Variants in PRKCZ observed in about 807,000 individuals in gnomAD.
PRKCZ encodes protein kinase C zeta type.
Under a neutral mutation model 79.5 loss-of-function variants are expected in PRKCZ, and 33 were observed. That is an observed-to-expected ratio of 0.41 (90% confidence interval 0.31 to 0.55). PRKCZ has a LOEUF of 0.55. Ranked by LOEUF, PRKCZ falls within the 20% of genes least tolerant of loss-of-function variation. The pLI, the probability that PRKCZ is intolerant of heterozygous loss-of-function variation, is 0.19. For synonymous variants in PRKCZ, 342 were observed against 320.9 expected (o/e 1.07, Z -0.70); for missense variants, 578 against 813.5 (o/e 0.71, Z 3.52).
At chr1:2,137,465 G>A (rs1676447321) in intron 5 of PRKCZ, among the ~76,000 whole-genome samples, 1 of 152,204 alleles carries the variant, frequency 6.6e-6, no homozygotes, top group Non-Finnish European at 1.5e-5. Flanking sequence ...GGCGCCTGGT[G>A]TGACCCATTA....
intron 9 of PRKCZ, among the ~76,000 whole-genome samples, chr1:2,155,539 A>ATGG (rs1366195025): frequency 1.4e-5 from 2 of 144,134 alleles, no homozygotes; most frequent in African/African-American, 5.2e-5. Flanking sequence ...GCCAATGGTG[A>ATGG]TGGTGGTGGT....
Position 2,169,706 on chromosome 1 carries a change from G to A in PRKCZ, c.1061+102G>A, listed in dbSNP as rs536990609. 193 of 793,996 alleles carry A rather than the reference G, an allele frequency of 2.4e-4. 2 individuals carry two copies. In the African/African-American group the frequency reaches 3.3e-3, roughly 14 times the overall value. The allele number at this position is 793,996 out of a possible 1,614,324, so 49.2% of individuals were successfully genotyped here. ...GGGTGGGTGCGCACAGAGGGATGAC[G>A]GGTGGGTGCGCGCGGAGTTGGGGGG... On this transcript the variant is annotated intron_variant, in intron 11 of 17. Transcript: ENST00000378567.
Position 2,172,454 on chromosome 1 carries a change from A to G in PRKCZ, c.1285+66A>G, listed in dbSNP as rs915985865. ...CCAGAGATGGCTTCGGGCCTGGCCC[A>G]GCAGCCAGGGAGAGGTGTCCTTGAC... On this transcript the variant is annotated intron_variant, in intron 13 of 17. Coordinates refer to ENST00000378567, the MANE Select transcript of PRKCZ (RefSeq NM_002744.6). This position sits in a 1 kb window ranked among gnomAD's most constrained non-coding sequence, Gnocchi z 7.8. 10 of 1,501,936 alleles carry G rather than the reference A, an allele frequency of 6.7e-6. No homozygotes were observed. The highest frequency in any genetic ancestry group is 2.0e-5 in the Admixed American group (1 of 50,730). 93.0% of individuals were successfully genotyped at this position (1,501,936 alleles called of 1,614,324 possible). A position where few individuals can be genotyped will look rare whatever the true frequency, so the allele number is the denominator to read the frequency against.
intron 4 of PRKCZ, among the ~76,000 whole-genome samples, chr1:2,076,253 G>A (rs563222582): frequency 1.3e-5 from 2 of 152,070 alleles, no homozygotes; most frequent in Non-Finnish European, 2.9e-5. Flanking sequence ...TGGTCTCCTG[G>A]CGCCCACTCA....
intron 7 of PRKCZ, among the ~76,000 whole-genome samples, chr1:2,146,609 C>CAG (rs1678581849): frequency 6.6e-6 from 1 of 152,186 alleles, no homozygotes; most frequent in Non-Finnish European, 1.5e-5. Context: ...AAGAAGCATT[C>CAG]AGAGAGAGAT....
rs761529269 is a variant in PRKCZ at position 2,082,471 on chromosome 1, G to A, written c.334+22880G>A. On this transcript the variant is annotated intron_variant, in intron 4 of 17. Transcript: ENST00000378567. The surrounding 1 kb of genome is among the most constrained non-coding windows in gnomAD (Gnocchi z 4.4). ...CTGTAATTTCATTCTGTGAGTGTAA[G>A]ATCACGTCCGCGTTCCTAGCGACCG... The A allele has an allele frequency of 2.2e-6, 1 of 454,398 alleles. No individual in the cohort carries two copies. Among genetic ancestry groups the A allele is most frequent in the South Asian group, 1.6e-5 (1 of 64,272 alleles). 28.1% of individuals were successfully genotyped at this position (454,398 alleles called of 1,614,324 possible).
At chr1:2,161,506 C>T (rs1336061803) in intron 10 of PRKCZ, among the ~76,000 whole-genome samples, 1 of 152,262 alleles carries the variant, frequency 6.6e-6, no homozygotes, top group South Asian at 2.1e-4. Flanking sequence ...CTTTGGGACA[C>T]ACCTGCAGTG....
Position 2,151,559 on chromosome 1 carries a change from C to T in PRKCZ, c.876+581C>T, listed in dbSNP as rs964797847. Among the ~76,000 whole-genome samples, 6 of 152,382 alleles carry T rather than the reference C, an allele frequency of 3.9e-5. No homozygotes were observed. In the Middle Eastern group the frequency reaches 0.014, roughly 346 times the overall value. On this transcript the variant is annotated intron_variant, in intron 9 of 17. Coordinates refer to ENST00000378567, the MANE Select transcript of PRKCZ (RefSeq NM_002744.6). ...TGCTCCGTCCTGCACAAGGCCCCAGCTTTGCAGTACATGCTGAGCTGCCGT... is the reference window on the plus strand; with the variant it reads ...TGCTCCGTCCTGCACAAGGCCCCAGTTTTGCAGTACATGCTGAGCTGCCGT...
Position 2,056,677 on chromosome 1 carries a change from C to G in PRKCZ, c.283+104C>G, listed in dbSNP as rs888866234. On this transcript the variant is annotated intron_variant, in intron 3 of 17. Coordinates refer to ENST00000378567, the MANE Select transcript of PRKCZ (RefSeq NM_002744.6). Reference sequence around the variant, plus strand: ...TAAAATGGTTTAAAATCCTATGATGCCAGAGAATTTAGGGATGTCTAATAT... The same window carrying G: ...TAAAATGGTTTAAAATCCTATGATGGCAGAGAATTTAGGGATGTCTAATAT... 5 of 1,058,398 alleles carry G rather than the reference C, an allele frequency of 4.7e-6. No homozygotes were observed. The African/African-American group carries it at 6.6e-5, about 14-fold the overall frequency. 65.6% of individuals were successfully genotyped at this position (1,058,398 alleles called of 1,614,324 possible). A position where few individuals can be genotyped will look rare whatever the true frequency, so the allele number is the denominator to read the frequency against.
At position 2,174,099 on chromosome 1, in the gene PRKCZ, G is replaced by A. The variant is rs1322849458; in HGVS notation, c.1405+83G>A. The A allele has an allele frequency of 6.1e-6, 9 of 1,467,754 alleles. No individual in the cohort carries two copies. The highest frequency in any genetic ancestry group is 2.6e-5 in the East Asian group (1 of 38,474). The allele number at this position is 1,467,754 out of a possible 1,614,324, so 90.9% of individuals were successfully genotyped here. A position where few individuals can be genotyped will look rare whatever the true frequency, so the allele number is the denominator to read the frequency against. ...TCAAAGGTGCAGGTGGAGGGGTCCCGCGGGTGCCTGGAGCGGCAGTGCCAT... is the reference window on the plus strand; with the variant it reads ...TCAAAGGTGCAGGTGGAGGGGTCCCACGGGTGCCTGGAGCGGCAGTGCCAT... On this transcript the variant is annotated intron_variant, in intron 14 of 17. Transcript: ENST00000378567. This position sits in a 1 kb window ranked among gnomAD's most constrained non-coding sequence, Gnocchi z 6.2.
intron 4 of PRKCZ, among the ~76,000 whole-genome samples, chr1:2,100,264 G>A (rs1460802114): frequency 3.3e-5 from 5 of 152,192 alleles, no homozygotes; most frequent in Non-Finnish European, 7.3e-5. Context: ...GTGGAAAAAC[G>A]CCCACGTCAG....
chr1:2,107,346 T>C (rs1377462042), intron 4 of PRKCZ, among the ~76,000 whole-genome samples: 1 of 152,224 alleles, frequency 6.6e-6, no homozygotes, highest in Non-Finnish European at 1.5e-5. Context: ...CCTGCTTTTT[T>C]CCCGCACGTC....
intron 4 of PRKCZ, among the ~76,000 whole-genome samples, chr1:2,098,837 A>C (rs1464090753): frequency 6.6e-6 from 1 of 151,864 alleles, no homozygotes. Context: ...GCCCACCACC[A>C]CAGTTGGCTA....
At chr1:2,073,915 AG>A in intron 4 of PRKCZ, 1 of 1,299,442 alleles carries the variant, frequency 7.7e-7, no homozygotes, top group Non-Finnish European at 9.8e-7. Flanking sequence ...CTGAGGAGGC[AG>A]GAGAAGAAAG....
chr1:2,056,593 G>T lies in PRKCZ; in HGVS notation c.283+20G>T, dbSNP rs1205694842. The T allele has an allele frequency of 6.2e-7, 1 of 1,606,602 alleles. No individual in the cohort carries two copies. Among genetic ancestry groups the T allele is most frequent in the Non-Finnish European group, 8.5e-7 (1 of 1,174,602 alleles). ...TTCATGGTTAGTGGCGGGGTCTGTG[G>T]TGGGCAGCTCTGGGGGGCTGTTCCT... On this transcript the variant is annotated intron_variant, in intron 3 of 17. Coordinates refer to ENST00000378567, the MANE Select transcript of PRKCZ (RefSeq NM_002744.6).
At chr1:2,159,465 G>A (rs933601692) in intron 10 of PRKCZ, among the ~76,000 whole-genome samples, 9 of 152,374 alleles carry the variant, frequency 5.9e-5, no homozygotes, top group East Asian at 1.9e-4. Context: ...ACACTCCTTC[G>A]CTCTGGGCGG....
chr1:2,110,387 C>T (rs1397077090), intron 4 of PRKCZ, among the ~76,000 whole-genome samples: 2 of 152,236 alleles, frequency 1.3e-5, no homozygotes, highest in African/African-American at 4.8e-5. Context: ...CTGGCTTCCT[C>T]CGTTCAGGCT....
chr1:2,180,274 G>A (rs1686304568), intron 16 of PRKCZ, among the ~76,000 whole-genome samples: 1 of 151,562 alleles, frequency 6.6e-6, no homozygotes, highest in Non-Finnish European at 1.5e-5. Context: ...GGGGCTTTAA[G>A]GCCAACCTGT....
intron 4 of PRKCZ, among the ~76,000 whole-genome samples, chr1:2,071,142 C>T (rs969200147): frequency 2.0e-5 from 3 of 151,904 alleles, no homozygotes; most frequent in South Asian, 4.1e-4. Context: ...AGGGAGCCTG[C>T]GCTGTGACTT....
Sources: allele counts gnomAD v4.1 joint callset (sites outside exome capture counted in the v4.1 genomes callset), GRCh38; gene constraint gnomAD v4.1.1; non-coding constraint Gnocchi (gnomAD v3.1); transcripts MANE v1.5; gene names NCBI Gene and HGNC (gene_info 2026-07-23, HGNC 2026-07-21).